The following FEM1C variants were observed in gnomAD, a reference collection of about 807,000 sequenced individuals.
FEM1C encodes fem-1 homolog C, also known as protein fem-1 homolog C.
FEM1C carries 15 observed loss-of-function variants against 37.6 expected under a neutral mutation model. That is an observed-to-expected ratio of 0.40 (90% CI 0.27 to 0.61). The LOEUF (loss-of-function observed/expected upper bound fraction) is 0.61. Ranked by LOEUF, FEM1C falls within the 20% of genes least tolerant of loss-of-function variation. The pLI is 0.42. For synonymous variants in FEM1C, 287 were observed against 272.8 expected (o/e 1.05, Z -0.51); for missense variants, 532 against 749.7 (o/e 0.71, Z 3.39).
At chr5:115,527,287 A>C (rs1439535256) in intron 2 of FEM1C, among the ~76,000 whole-genome samples, 1 of 152,168 alleles carries the variant, frequency 6.6e-6, no homozygotes, top group Non-Finnish European at 1.5e-5. Flanking sequence ...TACTTCAAAT[A>C]AATCTACTTT....
Position 115,525,269 on chromosome 5 carries a change from T to C in FEM1C, c.893A>G (p.Tyr298Cys). ...VPQTLIMAYD[Y>C]AKEVNSAEEL... ...TTCTGCACTGTTCACTTCCTTGGCA[T>C]AATCATAAGCCATTATTAGTGTCTG... Residue 298 changes from tyrosine (Y) to cysteine (C), a missense_variant, in exon 3 of 3, where the codon TAT (tyrosine) becomes TGT (cysteine). By Grantham distance (194) the Tyr-to-Cys change is radical. Coordinates refer to ENST00000274457, the MANE Select transcript of FEM1C (RefSeq NM_020177.3). 1 of 1,613,764 alleles carries C rather than the reference T, an allele frequency of 6.2e-7. No homozygotes were observed. Among genetic ancestry groups the C allele is most frequent in the Non-Finnish European group, 8.5e-7 (1 of 1,179,828 alleles).
intron 2 of FEM1C, among the ~76,000 whole-genome samples, chr5:115,534,848 A>T (rs1754091611): frequency 6.6e-6 from 1 of 151,926 alleles, no homozygotes; most frequent in African/African-American, 2.4e-5. Flanking sequence ...GATCCAAGTG[A>T]TACCTACGCT....
At position 115,543,165 on chromosome 5, in the gene FEM1C, T is replaced by C; in HGVS notation, c.329A>G (p.Asn110Ser). The C allele has an allele frequency of 6.2e-7, 1 of 1,614,228 alleles. No homozygotes were observed. The highest frequency in any genetic ancestry group is 8.5e-7 in the Non-Finnish European group (1 of 1,180,044). Reference protein sequence around the residue: ...QSLLNHGASVNNTTLTNSTPL... With the variant: ...QSLLNHGASVSNTTLTNSTPL... ...AGTTGAATTGGTTAAAGTCGTGTTG[T>C]TGACAGATGCTCCATGATTTAACAA... The change falls in exon 2 of 3, where the codon AAC (asparagine) becomes AGC (serine). Residue 110 changes from asparagine (N) to serine (S), a missense_variant. Transcript: ENST00000274457.
At chr5:115,528,972 G>A (rs1753961419) in intron 2 of FEM1C, among the ~76,000 whole-genome samples, 2 of 152,006 alleles carry the variant, frequency 1.3e-5, no homozygotes, top group Admixed American at 1.3e-4. Context: ...ATTAGTAACT[G>A]GAAGGTAAAT....
chr5:115,544,163 G>A lies in FEM1C; in HGVS notation c.-191+360C>T, dbSNP rs1430043658. 4 of 985,228 alleles carry A rather than the reference G, an allele frequency of 4.1e-6. No homozygotes were observed. The African/African-American group carries it at 5.2e-5, about 13-fold the overall frequency. 61.0% of individuals were successfully genotyped at this position (985,228 alleles called of 1,614,324 possible). The stretch of plus-strand genomic sequence containing the variant: ...AAACCCCGGCTAAGGCCAAAACTGT[G>A]CCCCGAAAGATTCTCTTTCCTTTAA... On this transcript the variant is annotated intron_variant, in intron 1 of 2. Coordinates refer to ENST00000274457, the MANE Select transcript of FEM1C (RefSeq NM_020177.3).
chr5:115,544,164 C>A (rs1754304830), intron 1 of FEM1C: 1 of 985,284 alleles, frequency 1.0e-6, no homozygotes. Flanking sequence ...CAAAACTGTG[C>A]CCCGAAAGAT....
chr5:115,543,931 C>G lies in FEM1C; in HGVS notation c.-190-248G>C, dbSNP rs1754298221. The G allele has an allele frequency of 4.1e-6, 4 of 985,280 alleles. No homozygotes were observed. In the African/African-American group the frequency reaches 7.0e-5, roughly 17 times the overall value. 61.0% of individuals were successfully genotyped at this position (985,280 alleles called of 1,614,324 possible). A position where few individuals can be genotyped will look rare whatever the true frequency, so the allele number is the denominator to read the frequency against. Reference sequence around the variant, plus strand: ...CGGAAAATTTAAACACTACAGGCAGCCCGTTTTCTCGCCTCCAGCTCTAAC... The same window carrying G: ...CGGAAAATTTAAACACTACAGGCAGGCCGTTTTCTCGCCTCCAGCTCTAAC... On this transcript the variant is annotated intron_variant, in intron 1 of 2. Coordinates refer to ENST00000274457, the MANE Select transcript of FEM1C (RefSeq NM_020177.3).
At chr5:115,544,235 C>G (rs1290033587) in intron 1 of FEM1C, 1 of 950,052 alleles carries the variant, frequency 1.1e-6, no homozygotes, top group Non-Finnish European at 1.3e-6. Context: ...TAGTCATTAA[C>G]TTCGCCCGCC....
At position 115,524,927 on chromosome 5, in the gene FEM1C, A is replaced by G. The variant is rs1419628005; in HGVS notation, c.1235T>C (p.Met412Thr). The G allele has an allele frequency of 5.6e-6, 9 of 1,613,702 alleles. No individual in the cohort carries two copies. In the African/African-American group the frequency reaches 8.0e-5, roughly 14 times the overall value. The change falls in exon 3 of 3, where the codon ATG becomes ACG. Residue 412 changes from methionine to threonine, a missense_variant. Met to Thr is a moderately conservative substitution (Grantham distance 81, BLOSUM62 -1). Coordinates refer to ENST00000274457, the MANE Select transcript of FEM1C (RefSeq NM_020177.3). The part of the protein sequence containing the change: ...LGTTVTFDDL[M>T]GILCKSVLEI... ...AAGGACGCTTTTGCAAAGTATGCCCATAAGATCATCAAATGTAACAGTAGT... is the reference window on the plus strand; with the variant it reads ...AAGGACGCTTTTGCAAAGTATGCCCGTAAGATCATCAAATGTAACAGTAGT...
intron 2 of FEM1C, among the ~76,000 whole-genome samples, chr5:115,526,298 C>G (rs1055053674): frequency 1.3e-5 from 2 of 152,096 alleles, no homozygotes; most frequent in African/African-American, 4.8e-5. Flanking sequence ...AAAGGACTTT[C>G]CCCAAAAAGC....
Position 115,531,614 on chromosome 5 carries a change from T to A in FEM1C, c.545-5997A>T, listed in dbSNP as rs116701123. Among the ~76,000 whole-genome samples, 422 of 152,204 alleles carry A rather than the reference T, an allele frequency of 2.8e-3. 5 individuals are homozygous for A. Among genetic ancestry groups the A allele is most frequent in the African/African-American group, 9.7e-3 (402 of 41,544 alleles). On this transcript the variant is annotated intron_variant, in intron 2 of 2. Coordinates refer to ENST00000274457, the MANE Select transcript of FEM1C (RefSeq NM_020177.3). ...GGTTTCTAGACTATAAGGTCTCTGT[T>A]GTAACCACTAAACTCCGCCAAGTAC...
At chr5:115,531,645 A>G (rs1000246694) in intron 2 of FEM1C, among the ~76,000 whole-genome samples, 1 of 152,104 alleles carries the variant, frequency 6.6e-6, no homozygotes, top group Non-Finnish European at 1.5e-5. Context: ...AGTACCATGA[A>G]ATATGCTATG....
intron 2 of FEM1C, among the ~76,000 whole-genome samples, chr5:115,527,249 G>A (rs1335281331): frequency 6.6e-6 from 1 of 152,090 alleles, no homozygotes; most frequent in Non-Finnish European, 1.5e-5. Context: ...AACATAGCAT[G>A]TGTACCAGAA....
At position 115,527,351 on chromosome 5, in the gene FEM1C, C is replaced by A. The variant is rs12110084; in HGVS notation, c.545-1734G>T. Among the ~76,000 whole-genome samples, 4 of 152,062 alleles carry A rather than the reference C, an allele frequency of 2.6e-5. No homozygotes were observed. In the East Asian group the frequency reaches 7.7e-4, roughly 29 times the overall value. The stretch of plus-strand genomic sequence containing the variant: ...TTATAAGAAATATTGAATCTTTCCA[C>A]AAGTTTATCCTGTTTCGTCTTCTAT... On this transcript the variant is annotated intron_variant, in intron 2 of 2. Transcript: ENST00000274457.
chr5:115,531,064 G>A (rs546341654), intron 2 of FEM1C, among the ~76,000 whole-genome samples: 2 of 152,142 alleles, frequency 1.3e-5, no homozygotes, highest in East Asian at 3.9e-4. Flanking sequence ...TTGCAAGGTA[G>A]AGATGATAAA....
chr5:115,543,998 G>A (rs758827457), intron 1 of FEM1C: 8 of 985,274 alleles, frequency 8.1e-6, no homozygotes, highest in Non-Finnish European at 9.6e-6. Flanking sequence ...CACGCCCAGG[G>A]AGAGTACAAC....
intron 2 of FEM1C, among the ~76,000 whole-genome samples, chr5:115,542,405 A>G (rs2127175960): frequency 6.6e-6 from 1 of 152,324 alleles, no homozygotes; most frequent in East Asian, 1.9e-4. Flanking sequence ...ACCACAAACA[A>G]ATATAGAATA....
Position 115,523,620 on chromosome 5 carries a change from A to G in FEM1C, c.*688T>C, listed in dbSNP as rs1467646602. The stretch of plus-strand genomic sequence containing the variant: ...AAACAAACAAAAAAGCTTGAGCTAT[A>G]ATAGCTAACCTGCAGCTCTAAAAAT... On this transcript the variant is annotated 3_prime_UTR_variant, in exon 3 of 3. Transcript: ENST00000274457. 1 of 152,566 alleles carries G rather than the reference A, an allele frequency of 6.6e-6. No individual in the cohort carries two copies. The allele number at this position is 152,566 out of a possible 1,614,324, so 9.5% of individuals were successfully genotyped here.
chr5:115,537,581 G>C (rs1362811929), intron 2 of FEM1C, among the ~76,000 whole-genome samples: 1 of 152,038 alleles, frequency 6.6e-6, no homozygotes, highest in African/African-American at 2.4e-5. Flanking sequence ...AGAAAAGTGT[G>C]CCAGGGGATA....
Sources: gnomAD v4.1 joint callset for allele counts (sites outside exome capture counted in the v4.1 genomes callset) on GRCh38, gnomAD v4.1.1 for gene constraint, MANE v1.5 for transcripts, NCBI Gene and HGNC (gene_info 2026-07-23, HGNC 2026-07-21) for gene names.